The following TEX9 variants were observed in gnomAD, a reference collection of about 807,000 sequenced individuals.
TEX9 encodes the protein testis-expressed protein 9.
TEX9 carries 74 observed loss-of-function variants against 59.6 expected under a neutral mutation model. That is an observed-to-expected ratio of 1.24 (90% confidence interval 1.03 to 1.51). The LOEUF is 1.51. Ranked by LOEUF, TEX9 falls within the 40% of genes most tolerant of loss-of-function variation. The probability of loss-of-function intolerance (pLI) is 0.00; values close to 1 mark genes in which losing one functional copy is unlikely to be tolerated. For synonymous variants in TEX9, 186 were observed against 152.2 expected, an observed-to-expected ratio of 1.22 and a Z score of -1.64; for missense variants, 522 against 447.8, an observed-to-expected ratio of 1.17 and a Z score of -1.49.
At chr15:56,379,544 A>T (rs1173639401) in intron 3 of TEX9, among the ~76,000 whole-genome samples, 3 of 152,124 alleles carry the variant, frequency 2.0e-5, no homozygotes, top group Non-Finnish European at 4.4e-5. Context: ...ATGTTCTGTA[A>T]ATGTCTATTG....
At chr15:56,300,236 G>A (rs1479354970) in intron 1 of TEX9, among the ~76,000 whole-genome samples, 2 of 151,880 alleles carry the variant, frequency 1.3e-5, no homozygotes, top group African/African-American at 4.8e-5. Context: ...TACTTGCTGT[G>A]GGCCCTGGGG....
At chr15:56,371,046 G>A (rs977768736) in intron 2 of TEX9, among the ~76,000 whole-genome samples, 1 of 151,974 alleles carries the variant, frequency 6.6e-6, no homozygotes, top group Non-Finnish European at 1.5e-5. Context: ...TAGTAGAGCC[G>A]GGGTTTCGCT....
chr15:56,427,678 G>A, exon 11 of TEX9: 2 of 1,535,028 alleles, frequency 1.3e-6, no homozygotes, highest in Non-Finnish European at 1.8e-6. Context: ...AAACAAAAAG[G>A]AGAATTAATG....
chr15:56,319,509 TA>T (rs1320915056), intron 1 of TEX9, among the ~76,000 whole-genome samples: 2 of 152,122 alleles, frequency 1.3e-5, no homozygotes, highest in Admixed American at 6.5e-5. Context: ...CTTTCCATAA[TA>T]AAAAGGTACC....
intron 12 of TEX9, among the ~76,000 whole-genome samples, chr15:56,439,327 A>T (rs1245346515): frequency 5.9e-5 from 9 of 152,240 alleles, no homozygotes; most frequent in African/African-American, 2.2e-4. Context: ...GAATTTATCA[A>T]TTCTCCCCAA....
chr15:56,350,779 G>A (rs1277533377), intron 1 of TEX9, among the ~76,000 whole-genome samples: 3 of 152,050 alleles, frequency 2.0e-5, no homozygotes, highest in African/African-American at 7.2e-5. Flanking sequence ...TCATGGAAGG[G>A]GTTTGTTGTG....
At chr15:56,316,435 T>TG (rs577834037) in intron 1 of TEX9, among the ~76,000 whole-genome samples, 142,112 of 147,868 alleles carry the variant, frequency 0.96, 68,540 homozygotes, top group South Asian at 1. Context: ...GTGCCCCTGC[T>TG]GGGGGTGCCT....
intron 1 of TEX9, among the ~76,000 whole-genome samples, chr15:56,266,408 G>T (rs1428394058): frequency 1.3e-5 from 2 of 151,630 alleles, no homozygotes; most frequent in African/African-American, 4.9e-5. Flanking sequence ...CATGTGCCGT[G>T]TTGGTTTGCT....
intron 1 of TEX9, among the ~76,000 whole-genome samples, chr15:56,281,491 G>C (rs1158438381): frequency 6.6e-6 from 1 of 152,194 alleles, no homozygotes; most frequent in African/African-American, 2.4e-5. Context: ...CGCTCCTTAT[G>C]AATCTAATTT....
At chr15:56,251,346 C>T (rs781054507) in intron 1 of TEX9, among the ~76,000 whole-genome samples, 1 of 152,128 alleles carries the variant, frequency 6.6e-6, no homozygotes, top group South Asian at 2.1e-4. Flanking sequence ...AAGCCTGGCT[C>T]TGTTGATGTA....
chr15:56,276,399 A>C (rs573871489), intron 1 of TEX9, among the ~76,000 whole-genome samples: 8 of 151,210 alleles, frequency 5.3e-5, no homozygotes, highest in Non-Finnish European at 8.8e-5. Flanking sequence ...CTCATTGTCA[A>C]CTCCCACTTA....
intron 1 of TEX9, among the ~76,000 whole-genome samples, chr15:56,308,648 T>C (rs2045536333): frequency 6.6e-6 from 1 of 152,162 alleles, no homozygotes; most frequent in South Asian, 2.1e-4. Context: ...AGGAATGTTT[T>C]TACTCCTGTT....
downstream of TEX9, among the ~76,000 whole-genome samples, chr15:56,450,750 T>C (rs962401474): frequency 1.3e-5 from 2 of 152,196 alleles, no homozygotes; most frequent in Non-Finnish European, 2.9e-5. Context: ...CACTATTGAA[T>C]TTTTTGTATA....
At chr15:56,379,227 C>T (rs1372883425) in intron 3 of TEX9, among the ~76,000 whole-genome samples, 1 of 152,064 alleles carries the variant, frequency 6.6e-6, no homozygotes, top group Non-Finnish European at 1.5e-5. Context: ...CACTGTATCC[C>T]ATAGATCTTG....
chr15:56,434,074 G>T, intron 12 of TEX9: 1 of 1,503,078 alleles, frequency 6.7e-7, no homozygotes, highest in African/African-American at 1.4e-5. Context: ...ATGTTTAGTG[G>T]ATGATAGATG....
At chr15:56,450,533 A>T (rs960376589), downstream of TEX9, among the ~76,000 whole-genome samples, 5 of 152,224 alleles carry the variant, frequency 3.3e-5, no homozygotes, top group African/African-American at 1.2e-4. Context: ...TGTCTCGCTT[A>T]CTTAACATAA....
At chr15:56,428,487 A>G (rs1405108113) in intron 12 of TEX9, 1 of 1,313,302 alleles carries the variant, frequency 7.6e-7, no homozygotes. Context: ...TGTGATGGAT[A>G]CCCATTTTAC....
At chr15:56,401,216 T>A (rs28878210) in intron 9 of TEX9, among the ~76,000 whole-genome samples, 4,818 of 148,366 alleles carry the variant, frequency 0.032, 191 homozygotes, top group East Asian at 0.096. Flanking sequence ...GACCCATCAG[T>A]GTGCTGTATT....
chr15:56,257,550 G>T (rs1373205047), intron 1 of TEX9, among the ~76,000 whole-genome samples: 7 of 152,100 alleles, frequency 4.6e-5, no homozygotes, highest in Non-Finnish European at 1.0e-4. Context: ...CAGTGATGTT[G>T]AGCTTTTTTT....
Sources: allele counts gnomAD v4.1 joint callset (sites outside exome capture counted in the v4.1 genomes callset), GRCh38; gene constraint gnomAD v4.1.1; transcripts MANE v1.5; gene names NCBI Gene and HGNC (gene_info 2026-07-23, HGNC 2026-07-21).